CRPPA: variants seen among roughly 807,000 people sequenced by gnomAD.
The protein encoded by CRPPA is CDP-L-ribitol pyrophosphorylase A.
In CRPPA, 43 loss-of-function variants were observed where a neutral mutation model predicts 52.0. The ratio of observed to expected loss-of-function variants is 0.83; its 90% CI spans 0.65 to 1.07. CRPPA has a LOEUF of 1.07. Ranked by LOEUF, CRPPA falls within the 50% of genes least tolerant of loss-of-function variation. The pLI is 0.00. For missense variants in CRPPA, 629 were observed against 551.7 expected, an observed-to-expected ratio of 1.14 and a Z score of -1.40; for synonymous variants, 250 against 203.5, an observed-to-expected ratio of 1.23 and a Z score of -1.94.
chr7:16,406,575 G>A (rs558413080), intron 1 of CRPPA, among the ~76,000 whole-genome samples: 18 of 152,270 alleles, frequency 1.2e-4, no homozygotes, highest in Admixed American at 3.3e-4. Flanking sequence ...TATCTTACAT[G>A]ATATAGTAAA....
At chr7:16,179,032 A>G (rs575311085) in intron 9 of CRPPA, among the ~76,000 whole-genome samples, 2 of 151,116 alleles carry the variant, frequency 1.3e-5, no homozygotes, top group South Asian at 4.2e-4. Context: ...TCTTATCTCA[A>G]TTTAGACACT....
At chr7:16,262,613 A>C (rs1783838776) in intron 6 of CRPPA, among the ~76,000 whole-genome samples, 1 of 152,194 alleles carries the variant, frequency 6.6e-6, no homozygotes, top group Non-Finnish European at 1.5e-5. Context: ...ATTTTCTATG[A>C]ATTAGAGTGT....
At chr7:16,274,690 C>A (rs1474655344) in intron 6 of CRPPA, among the ~76,000 whole-genome samples, 1 of 152,158 alleles carries the variant, frequency 6.6e-6, no homozygotes, top group East Asian at 1.9e-4. Flanking sequence ...TCCCTAACTT[C>A]AAGCCAAACC....
intron 4 of CRPPA, among the ~76,000 whole-genome samples, chr7:16,307,626 G>T (rs953135581): frequency 7.7e-6 from 1 of 129,164 alleles, no homozygotes; most frequent in African/African-American, 3.0e-5. Flanking sequence ...GTTACAATGA[G>T]ACTGCACCAT....
At chr7:16,170,197 T>G (rs1583405384) in intron 9 of CRPPA, among the ~76,000 whole-genome samples, 1 of 152,298 alleles carries the variant, frequency 6.6e-6, no homozygotes, top group East Asian at 1.9e-4. Flanking sequence ...TTGCCCATAT[T>G]CTTCTGTTTC....
In CRPPA at chr7:16,397,743, G is replaced by A. The variant is rs183796702; in HGVS notation, c.534+8318C>T. ...AACGTTTGAGACATGTGACTGACGC[G>A]AATGACACGATTGGCACGTGATTGG... On this transcript the variant is annotated intron_variant, in intron 2 of 9. Transcript: ENST00000407010. 5.2e-3 allele frequency among the ~76,000 whole-genome samples: 797 copies of A among 152,282 alleles called. 5 individuals are homozygous for A. The highest frequency in any genetic ancestry group is 0.018 in the African/African-American group (745 of 41,560).
intron 8 of CRPPA, among the ~76,000 whole-genome samples, chr7:16,242,245 C>A (rs374902305): frequency 6.6e-6 from 1 of 151,946 alleles, no homozygotes; most frequent in Non-Finnish European, 1.5e-5. Flanking sequence ...TGAGACACCG[C>A]GCCCAGCCAA....
intron 2 of CRPPA, among the ~76,000 whole-genome samples, chr7:16,398,643 CAT>C (rs1562681489): frequency 3.9e-5 from 6 of 152,130 alleles, no homozygotes; most frequent in African/African-American, 7.2e-5. Flanking sequence ...ACGTGACAAA[CAT>C]CACTGAAACA....
At chr7:16,314,429 A>G (rs564949564) in intron 3 of CRPPA, among the ~76,000 whole-genome samples, 1 of 152,198 alleles carries the variant, frequency 6.6e-6, no homozygotes, top group East Asian at 1.9e-4. Flanking sequence ...GCACACAATC[A>G]GATACATCGT....
intron 8 of CRPPA, among the ~76,000 whole-genome samples, chr7:16,242,499 G>C (rs371499681): frequency 6.6e-6 from 1 of 152,120 alleles, no homozygotes; most frequent in Non-Finnish European, 1.5e-5. Context: ...CAATCTGACA[G>C]AGGTGGTAGC....
chr7:16,257,244 A>G (rs913052153), intron 8 of CRPPA, among the ~76,000 whole-genome samples: 2 of 152,156 alleles, frequency 1.3e-5, no homozygotes, highest in Non-Finnish European at 2.9e-5. Flanking sequence ...GGACGGCCTC[A>G]TCACCATATC....
intron 2 of CRPPA, among the ~76,000 whole-genome samples, chr7:16,394,265 C>T (rs187419966): frequency 3.9e-5 from 6 of 152,116 alleles, no homozygotes; most frequent in South Asian, 4.2e-4. Flanking sequence ...AAATGAATTA[C>T]GGTATATACA....
intron 9 of CRPPA, among the ~76,000 whole-genome samples, chr7:16,117,534 A>G (rs1043320798): frequency 6.6e-6 from 1 of 152,228 alleles, no homozygotes; most frequent in African/African-American, 2.4e-5. Context: ...CCCTGGCTGG[A>G]AACCTCTAGG....
chr7:16,198,351 T>G (rs1006378255), intron 9 of CRPPA, among the ~76,000 whole-genome samples: 4 of 57,326 alleles, frequency 7.0e-5, no homozygotes, highest in African/African-American at 3.1e-4. Flanking sequence ...TGTAAAGCAC[T>G]GAGATGTTTA....
chr7:16,285,528 C>CT (rs139995246), intron 5 of CRPPA, among the ~76,000 whole-genome samples: 84 of 151,856 alleles, frequency 5.5e-4, no homozygotes, highest in African/African-American at 1.2e-3. Context: ...ATGAATAACT[C>CT]TTTTTTTTGT....
At chr7:16,105,208 G>A (rs974541371) in intron 9 of CRPPA, among the ~76,000 whole-genome samples, 1 of 152,194 alleles carries the variant, frequency 6.6e-6, no homozygotes, top group African/African-American at 2.4e-5. Context: ...ACTATCCGCA[G>A]ACTGGAAGAA....
intron 4 of CRPPA, among the ~76,000 whole-genome samples, chr7:16,307,719 A>T (rs1784943061): frequency 6.6e-6 from 1 of 151,514 alleles, no homozygotes; most frequent in Admixed American, 6.6e-5. Context: ...TTAGCCATTA[A>T]AAGAACTGGG....
At chr7:16,093,401 C>A (rs1029072499) in intron 9 of CRPPA, among the ~76,000 whole-genome samples, 1 of 152,056 alleles carries the variant, frequency 6.6e-6, no homozygotes, top group African/African-American at 2.4e-5. Context: ...TTATTGAAGC[C>A]TCACCACAAC....
At chr7:16,416,135 G>A (rs946698165) in intron 1 of CRPPA, among the ~76,000 whole-genome samples, 10 of 152,068 alleles carry the variant, frequency 6.6e-5, no homozygotes, top group African/African-American at 1.9e-4. Flanking sequence ...CAAATTCAGG[G>A]CATCAATTTC....
Sources: allele counts gnomAD v4.1 joint callset (sites outside exome capture counted in the v4.1 genomes callset), GRCh38; gene constraint gnomAD v4.1.1; transcripts MANE v1.5; gene names NCBI Gene and HGNC (gene_info 2026-07-23, HGNC 2026-07-21).